PCDH9: variants seen among roughly 807,000 people sequenced by gnomAD.
PCDH9 encodes protocadherin 9, also known as protocadherin-9.
PCDH9 carries 24 observed loss-of-function variants against 70.6 expected under a neutral mutation model. The ratio of observed to expected loss-of-function variants is 0.34; its 90% CI spans 0.25 to 0.48. PCDH9 has a LOEUF of 0.48. Among genes scored for constraint, PCDH9 ranks in the 20% least tolerant of loss-of-function variants. PCDH9 has a pLI of 0.99. For synonymous variants in PCDH9, 562 were observed against 558.5 expected (o/e 1.01, Z -0.09); for missense variants, 1,281 against 1,503.6 (o/e 0.85, Z 2.45).
intron 4 of PCDH9, among the ~76,000 whole-genome samples, chr13:66,502,116 G>A (rs922736885): frequency 2.6e-5 from 4 of 152,060 alleles, no homozygotes; most frequent in Non-Finnish European, 4.4e-5. Context: ...AAGTGGCTAT[G>A]GAACACTTGA....
Position 67,216,329 on chromosome 13 carries a change from A to T in PCDH9, c.3036+9076T>A, listed in dbSNP as rs886613726. ...CCAAGAATGAAAATGAGTTTATGTC[A>T]TACTAAAATATCCTAAAAATTGTGT... On this transcript the variant is annotated intron_variant, in intron 2 of 4. Coordinates refer to ENST00000377865, the MANE Select transcript of PCDH9 (RefSeq NM_203487.3). 6 of 152,048 alleles carry T rather than the reference A, an allele frequency of 3.9e-5. No individual in the cohort carries two copies. The South Asian group carries it at 1.2e-3, about 31-fold the overall frequency. The allele number at this position is 152,048 out of a possible 1,614,324, so 9.4% of individuals were successfully genotyped here.
intron 3 of PCDH9, among the ~76,000 whole-genome samples, chr13:66,814,497 C>G (rs2080566022): frequency 6.6e-6 from 1 of 152,036 alleles, no homozygotes; most frequent in Non-Finnish European, 1.5e-5. Flanking sequence ...AGAATAAATA[C>G]TTATCAAATT....
At chr13:67,185,889 C>T (rs904990524) in intron 2 of PCDH9, among the ~76,000 whole-genome samples, 7 of 151,982 alleles carry the variant, frequency 4.6e-5, no homozygotes, top group African/African-American at 1.7e-4. Flanking sequence ...TGAGCCACCA[C>T]ACCCGGCTAA....
intron 2 of PCDH9, among the ~76,000 whole-genome samples, chr13:67,025,133 G>A (rs1222148210): frequency 6.6e-6 from 1 of 152,088 alleles, no homozygotes; most frequent in Admixed American, 6.6e-5. Context: ...ATATGTGTGT[G>A]CATGTACAAA....
intron 3 of PCDH9, among the ~76,000 whole-genome samples, chr13:66,805,038 T>C (rs949787168): frequency 2.0e-5 from 3 of 152,164 alleles, no homozygotes; most frequent in Admixed American, 1.3e-4. Context: ...AAGATAAGAA[T>C]GTATCCTATT....
At chr13:66,548,218 G>A (rs1013544221) in intron 4 of PCDH9, among the ~76,000 whole-genome samples, 1 of 151,926 alleles carries the variant, frequency 6.6e-6, no homozygotes, top group Non-Finnish European at 1.5e-5. Context: ...AAAGGTCTAT[G>A]CCTGTAAAAA....
At chr13:66,401,913 G>T (rs893101579) in intron 4 of PCDH9, among the ~76,000 whole-genome samples, 2 of 152,056 alleles carry the variant, frequency 1.3e-5, no homozygotes, top group African/African-American at 4.8e-5. Context: ...GAGTGTCAAG[G>T]TACCCCACCC....
At chr13:66,703,898 C>T (rs1246405741) in intron 3 of PCDH9, among the ~76,000 whole-genome samples, 1 of 147,918 alleles carries the variant, frequency 6.8e-6, no homozygotes, top group Non-Finnish European at 1.5e-5. Flanking sequence ...AAAACCCTGT[C>T]TCAATTAAAA....
At chr13:66,428,169 C>T (rs997767491) in intron 4 of PCDH9, among the ~76,000 whole-genome samples, 7 of 151,598 alleles carry the variant, frequency 4.6e-5, no homozygotes, top group African/African-American at 1.5e-4. Context: ...GATTAGTTGG[C>T]AAATCAGTTT....
intron 4 of PCDH9, among the ~76,000 whole-genome samples, chr13:66,605,348 C>G (rs2077210341): frequency 6.6e-6 from 1 of 152,120 alleles, no homozygotes; most frequent in Non-Finnish European, 1.5e-5. Context: ...TGTTGATTAA[C>G]TCTTTGGAAT....
intron 3 of PCDH9, among the ~76,000 whole-genome samples, chr13:66,660,829 T>C (rs985555126): frequency 1.1e-4 from 16 of 152,194 alleles, no homozygotes; most frequent in African/African-American, 3.6e-4. Flanking sequence ...CATTTTATTT[T>C]CTTTTTACAT....
At chr13:67,138,799 C>G (rs2087299691) in intron 2 of PCDH9, among the ~76,000 whole-genome samples, 1 of 152,150 alleles carries the variant, frequency 6.6e-6, no homozygotes, top group Non-Finnish European at 1.5e-5. Flanking sequence ...GTTAACAGAA[C>G]TACTGAACTT....
intron 2 of PCDH9, among the ~76,000 whole-genome samples, chr13:67,152,471 T>C (rs191992528): frequency 4.3e-4 from 66 of 152,306 alleles, no homozygotes; most frequent in African/African-American, 1.5e-3. Flanking sequence ...TCAACAACAG[T>C]AAATCAGTTA....
At chr13:66,563,858 T>C (rs2138716965) in intron 4 of PCDH9, among the ~76,000 whole-genome samples, 1 of 152,288 alleles carries the variant, frequency 6.6e-6, no homozygotes, top group African/African-American at 2.4e-5. Context: ...TTTTGAAACA[T>C]ATTACCCAGT....
intron 4 of PCDH9, among the ~76,000 whole-genome samples, chr13:66,624,743 A>C (rs2077476177): frequency 6.6e-6 from 1 of 152,366 alleles, no homozygotes; most frequent in Admixed American, 6.5e-5. Flanking sequence ...CATTAGAAAC[A>C]TACTTAAATA....
chr13:66,968,085 C>T (rs1383514522), intron 2 of PCDH9, among the ~76,000 whole-genome samples: 2 of 152,014 alleles, frequency 1.3e-5, no homozygotes, highest in Admixed American at 6.6e-5. Context: ...TCCAAATTTA[C>T]CTGCTTATAT....
intron 3 of PCDH9, among the ~76,000 whole-genome samples, chr13:66,901,238 A>T (rs2082272071): frequency 6.6e-6 from 1 of 151,814 alleles, no homozygotes; most frequent in African/African-American, 2.4e-5. Flanking sequence ...ATGTATTATG[A>T]TCAAAAACAG....
intron 4 of PCDH9, among the ~76,000 whole-genome samples, chr13:66,538,363 C>T (rs571549934): frequency 1.1e-4 from 16 of 152,110 alleles, no homozygotes; most frequent in Non-Finnish European, 1.9e-4. Context: ...CTAGAAAGTT[C>T]GAGGAAATTA....
At chr13:66,841,346 A>AT (rs2081113402) in intron 3 of PCDH9, among the ~76,000 whole-genome samples, 1 of 152,116 alleles carries the variant, frequency 6.6e-6, no homozygotes, top group African/African-American at 2.4e-5. Context: ...AAATTATGTG[A>AT]TTTCCCCCCA....
Sources: allele counts gnomAD v4.1 joint callset (sites outside exome capture counted in the v4.1 genomes callset), GRCh38; gene constraint gnomAD v4.1.1; transcripts MANE v1.5; gene names NCBI Gene and HGNC (gene_info 2026-07-23, HGNC 2026-07-21).